DENND2C: variants seen among roughly 807,000 people sequenced by gnomAD.
DENND2C encodes the protein DENN domain-containing protein 2C.
In DENND2C, 72 loss-of-function variants were observed where a neutral mutation model predicts 112.4. The ratio of observed to expected loss-of-function variants is 0.64; its 90% CI spans 0.53 to 0.78. The LOEUF is 0.78. Among genes scored for constraint, DENND2C ranks in the 30% least tolerant of loss-of-function variants. DENND2C has a pLI of 0.00. For synonymous variants in DENND2C, 329 were observed against 381.6 expected, an observed-to-expected ratio of 0.86 and a Z score of 1.61; for missense variants, 992 against 1,113.8, an observed-to-expected ratio of 0.89 and a Z score of 1.56.
intron 11 of DENND2C, 141 bp from the exon 12 acceptor site, chr1:114,602,335 T>A (rs982148841): frequency 1.3e-6 from 1 of 758,582 alleles, no homozygotes; most frequent in Non-Finnish European, 2.0e-6. Flanking sequence ...TACGGCATTC[T>A]CCATGGAAAA....
At chr1:114,660,532 T>G (rs1436593789) in intron 1 of DENND2C, among the ~76,000 whole-genome samples, 1 of 152,144 alleles carries the variant, frequency 6.6e-6, no homozygotes, top group African/African-American at 2.4e-5. Context: ...TAAGTTTGCC[T>G]GTCTCTAATT....
chr1:114,590,700 C>A (rs914533377), intron 18 of DENND2C, among the ~76,000 whole-genome samples: 1 of 151,472 alleles, frequency 6.6e-6, no homozygotes, highest in African/African-American at 2.4e-5. Context: ...ATGGTGTGAA[C>A]CCCGGAGGGT....
intron 2 of DENND2C, among the ~76,000 whole-genome samples, chr1:114,650,903 T>G (rs1002824469): frequency 2.0e-5 from 3 of 152,084 alleles, no homozygotes; most frequent in African/African-American, 7.2e-5. Flanking sequence ...TGCAGTAACA[T>G]GGACATTAAA....
intron 1 of DENND2C, among the ~76,000 whole-genome samples, chr1:114,658,420 A>AT (rs1304207388): frequency 6.6e-6 from 1 of 152,204 alleles, no homozygotes; most frequent in Non-Finnish European, 1.5e-5. Flanking sequence ...AGTAAGGAGA[A>AT]TAAAAACTGA....
chr1:114,620,851 C>A (rs1656144119), intron 7 of DENND2C, among the ~76,000 whole-genome samples: 1 of 152,028 alleles, frequency 6.6e-6, no homozygotes, highest in African/African-American at 2.4e-5. Context: ...TAGAATATTT[C>A]CCAAGGAACA....
chr1:114,596,130 T>C (rs1655334143), intron 16 of DENND2C, among the ~76,000 whole-genome samples: 1 of 152,178 alleles, frequency 6.6e-6, no homozygotes, highest in Admixed American at 6.5e-5. Flanking sequence ...CCCAGCACTT[T>C]GGAAAGCCGA....
intron 4 of DENND2C, among the ~76,000 whole-genome samples, chr1:114,624,949 T>G (rs955927380): frequency 3.3e-5 from 5 of 152,190 alleles, no homozygotes; most frequent in African/African-American, 1.2e-4. Flanking sequence ...GATATATTAA[T>G]AAAATGGAAG....
intron 2 of DENND2C, among the ~76,000 whole-genome samples, chr1:114,648,293 T>C (rs1180587078): frequency 1.3e-5 from 2 of 152,202 alleles, no homozygotes; most frequent in Admixed American, 6.5e-5. Flanking sequence ...TACTTGTTAG[T>C]TGGTAGACAT....
intron 8 of DENND2C, among the ~76,000 whole-genome samples, chr1:114,611,433 T>C (rs768522065): frequency 6.6e-6 from 1 of 152,196 alleles, no homozygotes; most frequent in Non-Finnish European, 1.5e-5. Flanking sequence ...GGATTCTATT[T>C]CTATATCCAC....
chr1:114,601,410 T>C (rs1655501005), intron 13 of DENND2C, 98 bp downstream of exon 13: 2 of 1,213,686 alleles, frequency 1.6e-6, no homozygotes, highest in Non-Finnish European at 1.2e-6. Flanking sequence ...AGTTTACTAA[T>C]AGGGAACCTT....
At chr1:114,663,252 A>T (rs1185416745) in intron 1 of DENND2C, among the ~76,000 whole-genome samples, 2 of 152,200 alleles carry the variant, frequency 1.3e-5, no homozygotes, top group African/African-American at 4.8e-5. Flanking sequence ...CTTCAAATTT[A>T]TCTTTTATTT....
chr1:114,604,501 G>A (rs1040452836), intron 11 of DENND2C, among the ~76,000 whole-genome samples: 25 of 152,118 alleles, frequency 1.6e-4, no homozygotes, highest in African/African-American at 5.5e-4. Context: ...GAACATAAAA[G>A]CTGGGCTGTG....
chr1:114,623,314 A>C (rs1264502533), intron 5 of DENND2C, among the ~76,000 whole-genome samples, 193 bp downstream of exon 5: 2 of 152,240 alleles, frequency 1.3e-5, no homozygotes, highest in Admixed American at 1.3e-4. Context: ...TGTACTTATA[A>C]GCTGAGCAGT....
chr1:114,617,085 T>C (rs906692425), intron 8 of DENND2C, among the ~76,000 whole-genome samples: 3 of 152,120 alleles, frequency 2.0e-5, no homozygotes, highest in African/African-American at 4.8e-5. Context: ...CCATCCCCCA[T>C]GATTCAATTA....
At chr1:114,602,024 A>G in intron 12 of DENND2C, 101 bp downstream of exon 12, 1 of 1,124,606 alleles carries the variant, frequency 8.9e-7, no homozygotes, top group Non-Finnish European at 1.3e-6. Flanking sequence ...CAGATCATTG[A>G]GCATCCCTCA....
At position 114,600,312 on chromosome 1, in the gene DENND2C, T is replaced by C; in HGVS notation, c.1997A>G (p.His666Arg). ...CTTAAAGAGACATTTAAAATCAACA[T>C]GTTCCAATCGGGAATCTAGTGGTCG... is the stretch of plus-strand genomic sequence containing the variant. ...LCRPLDSRLE[H>R]VDFKCLFKCL... The change falls in exon 15 of 21, where the codon CAT (histidine) becomes CGT (arginine). Residue 666 changes from histidine (H) to arginine (R), a missense_variant. By Grantham distance (29) the His-to-Arg change is conservative. Around this residue, in one of 3 missense-constraint regions of DENND2C, gnomAD observed 516 missense variants for 623.6 expected, o/e 0.83. Transcript: ENST00000393274. 6 of 1,614,088 alleles carry C rather than the reference T, an allele frequency of 3.7e-6. No homozygotes were observed. The highest frequency in any genetic ancestry group is 4.5e-5 in the East Asian group (2 of 44,874).
intron 3 of DENND2C, among the ~76,000 whole-genome samples, chr1:114,630,304 C>CAA (rs201569345): frequency 1.5e-5 from 2 of 130,592 alleles, no homozygotes; most frequent in African/African-American, 2.8e-5. Flanking sequence ...GAGATTCGTT[C>CAA]AAAAAAAAAA....
intron 3 of DENND2C, among the ~76,000 whole-genome samples, chr1:114,635,268 A>G (rs1289018751): frequency 6.6e-6 from 1 of 152,140 alleles, no homozygotes; most frequent in Non-Finnish European, 1.5e-5. Flanking sequence ...AAAAAGATCA[A>G]TATTTAAAGT....
chr1:114,614,066 T>G (rs1655892013), intron 8 of DENND2C, among the ~76,000 whole-genome samples: 1 of 151,850 alleles, frequency 6.6e-6, no homozygotes, highest in Admixed American at 6.6e-5. Context: ...ATTTTGTCTC[T>G]ACGAAAAATT....
Sources: gnomAD v4.1 joint callset for allele counts (sites outside exome capture counted in the v4.1 genomes callset) on GRCh38, gnomAD v4.1.1 for gene constraint, gnomAD v4.1.1 regional missense constraint, MANE v1.5 for transcripts, NCBI Gene and HGNC (gene_info 2026-07-23, HGNC 2026-07-21) for gene names.